The following AFG2A variants were observed in gnomAD, a reference collection of about 807,000 sequenced individuals.
AFG2A encodes ATPase family gene 2 protein homolog A.
the AFG2A span, among the ~76,000 whole-genome samples, chr4:123,280,164 G>A: frequency 1.3e-5 from 2 of 152,078 alleles, no homozygotes; most frequent in Admixed American, 1.3e-4. Flanking sequence ...GTATTACATT[G>A]AGTAATTTAG....
At chr4:123,052,418 T>C in the AFG2A span, among the ~76,000 whole-genome samples, 4 of 152,202 alleles carry the variant, frequency 2.6e-5, no homozygotes, top group African/African-American at 7.2e-5. Context: ...GTCTGAAAGG[T>C]CACATATCTC....
chr4:123,199,709 G>T, the AFG2A span, among the ~76,000 whole-genome samples: 1 of 151,726 alleles, frequency 6.6e-6, no homozygotes, highest in South Asian at 2.1e-4. Flanking sequence ...TGACCTCGTG[G>T]TCTGCCCGCC....
the AFG2A span, among the ~76,000 whole-genome samples, chr4:123,013,210 T>C: frequency 6.6e-6 from 1 of 152,062 alleles, no homozygotes; most frequent in African/African-American, 2.4e-5. Flanking sequence ...AGAAGGAATT[T>C]CACAAGGTAA....
chr4:123,017,555 G>A, the AFG2A span, among the ~76,000 whole-genome samples: 1 of 150,678 alleles, frequency 6.6e-6, no homozygotes, highest in Non-Finnish European at 1.5e-5. Context: ...TATTAAAGAA[G>A]CATTTGGAAA....
the AFG2A span, among the ~76,000 whole-genome samples, chr4:122,992,980 G>GTGTGTGTGTGTA: frequency 6.6e-6 from 1 of 151,284 alleles, no homozygotes; most frequent in East Asian, 1.9e-4. Flanking sequence ...GTGTGTATGT[G>GTGTGTGTGTGTA]TGTGTGTGTG....
chr4:123,067,242 G>A, the AFG2A span, among the ~76,000 whole-genome samples: 1 of 152,060 alleles, frequency 6.6e-6, no homozygotes, highest in African/African-American at 2.4e-5. Context: ...AATGAGGCTG[G>A]GCACGGTGAC....
At chr4:123,031,228 C>T in the AFG2A span, among the ~76,000 whole-genome samples, 2 of 152,128 alleles carry the variant, frequency 1.3e-5, no homozygotes, top group South Asian at 2.1e-4. Flanking sequence ...CTCAGCTCAC[C>T]GCAGTTCCCA....
chr4:123,017,510 TTAAC>T, the AFG2A span, among the ~76,000 whole-genome samples: 1 of 149,342 alleles, frequency 6.7e-6, no homozygotes, highest in African/African-American at 2.5e-5. Flanking sequence ...AGAACACATT[TTAAC>T]AGTTACTGCT....
At chr4:122,924,734 C>T in the AFG2A span, among the ~76,000 whole-genome samples, 3 of 151,944 alleles carry the variant, frequency 2.0e-5, no homozygotes, top group African/African-American at 4.8e-5. Context: ...TTTGTTTTTG[C>T]GCCTTGATGT....
At chr4:123,255,908 A>G in the AFG2A span, 4 of 1,266,498 alleles carry the variant, frequency 3.2e-6, no homozygotes, top group Non-Finnish European at 4.4e-6. Flanking sequence ...CCAATTACGA[A>G]TAATAGTGGA....
the AFG2A span, among the ~76,000 whole-genome samples, chr4:123,108,914 C>G: frequency 6.6e-6 from 1 of 151,936 alleles, no homozygotes; most frequent in East Asian, 1.9e-4. Flanking sequence ...AGAGGCCTGA[C>G]ATTTTGAGTT....
chr4:123,221,914 C>A, the AFG2A span, among the ~76,000 whole-genome samples: 2 of 151,464 alleles, frequency 1.3e-5, no homozygotes, highest in Admixed American at 1.3e-4. Flanking sequence ...GCAACAAGAA[C>A]AAAAACTCCA....
At chr4:123,298,500 C>A in the AFG2A span, among the ~76,000 whole-genome samples, 1 of 152,190 alleles carries the variant, frequency 6.6e-6, no homozygotes, top group African/African-American at 2.4e-5. Flanking sequence ...CCATCCCTAG[C>A]AGTTCAGCCC....
At chr4:123,209,805 T>A in the AFG2A span, among the ~76,000 whole-genome samples, 30 of 152,038 alleles carry the variant, frequency 2.0e-4, no homozygotes, top group African/African-American at 6.8e-4. Context: ...ATGTATTCCC[T>A]CTCCCTCCCT....
the AFG2A span, among the ~76,000 whole-genome samples, chr4:122,952,639 G>T: frequency 1.3e-5 from 2 of 152,152 alleles, no homozygotes; most frequent in Non-Finnish European, 2.9e-5. Context: ...GTGTGAGGGC[G>T]CAGTTTGAAA....
the AFG2A span, among the ~76,000 whole-genome samples, chr4:123,012,553 T>C: frequency 6.6e-6 from 1 of 151,928 alleles, no homozygotes; most frequent in Non-Finnish European, 1.5e-5. Context: ...ACCAATGAAA[T>C]GTGGGTGAAT....
At chr4:123,257,080 G>A in the AFG2A span, among the ~76,000 whole-genome samples, 5 of 152,006 alleles carry the variant, frequency 3.3e-5, no homozygotes, top group Admixed American at 1.3e-4. Flanking sequence ...GTTTTCATTC[G>A]TCTTATGTAA....
chr4:122,940,430 C>T, the AFG2A span, among the ~76,000 whole-genome samples: 1 of 152,194 alleles, frequency 6.6e-6, no homozygotes, highest in Non-Finnish European at 1.5e-5. Context: ...TAAATGTCTT[C>T]TTCTGAGAAG....
At chr4:122,976,531 A>G in the AFG2A span, among the ~76,000 whole-genome samples, 2 of 152,102 alleles carry the variant, frequency 1.3e-5, no homozygotes, top group African/African-American at 4.8e-5. Context: ...CTTTTAAAAC[A>G]TCGTTTCTTT....
Sources: allele counts gnomAD v4.1 joint callset (sites outside exome capture counted in the v4.1 genomes callset), GRCh38; gene constraint gnomAD v4.1.1; transcripts MANE v1.5; gene names NCBI Gene and HGNC (gene_info 2026-07-23, HGNC 2026-07-21).